TMEM178B: variants seen among roughly 807,000 people sequenced by gnomAD.
TMEM178B encodes the protein transmembrane protein 178B.
TMEM178B carries 5 observed loss-of-function variants against 31.0 expected under a neutral mutation model. That is an observed-to-expected ratio of 0.16 (90% CI 0.08 to 0.34). The LOEUF (loss-of-function observed/expected upper bound fraction) is 0.34, where lower values mean the gene tolerates loss of function less well. Ranked by LOEUF, TMEM178B falls within the 10% of genes least tolerant of loss-of-function variation. The pLI is 1.00. For synonymous variants in TMEM178B, 164 were observed against 164.0 expected, an observed-to-expected ratio of 1.00 and a Z score of 0.00; for missense variants, 275 against 400.3, an observed-to-expected ratio of 0.69 and a Z score of 2.67.
At chr7:141,116,858 A>G (rs915579607) in intron 1 of TMEM178B, among the ~76,000 whole-genome samples, 1 of 152,072 alleles carries the variant, frequency 6.6e-6, no homozygotes, top group African/African-American at 2.4e-5. Flanking sequence ...ATGCTTTTTT[A>G]TGGCTGCATA....
intron 2 of TMEM178B, among the ~76,000 whole-genome samples, chr7:141,401,619 G>A (rs896569358): frequency 2.0e-5 from 3 of 151,822 alleles, no homozygotes; most frequent in Admixed American, 6.6e-5. Flanking sequence ...ATGGAGTTAC[G>A]GTATGTTGCC....
chr7:141,114,377 C>T (rs1290074001), intron 1 of TMEM178B, among the ~76,000 whole-genome samples: 1 of 152,120 alleles, frequency 6.6e-6, no homozygotes, highest in African/African-American at 2.4e-5. Flanking sequence ...CCTTCAGCTG[C>T]ACTGTATCTC....
At chr7:141,216,427 G>GTA (rs776007395) in intron 2 of TMEM178B, among the ~76,000 whole-genome samples, 2 of 73,176 alleles carry the variant, frequency 2.7e-5, no homozygotes, top group African/African-American at 8.5e-5. Flanking sequence ...TGAAGCCTGT[G>GTA]TGTGTGTGTG....
At chr7:141,446,133 G>C in intron 3 of TMEM178B, among the ~76,000 whole-genome samples, 1 of 152,192 alleles carries the variant, frequency 6.6e-6, no homozygotes, top group East Asian at 1.9e-4. Flanking sequence ...ACCTCACGTA[G>C]AATGAGTGGC....
chr7:141,436,567 G>A (rs2116679629), intron 2 of TMEM178B, among the ~76,000 whole-genome samples: 1 of 152,220 alleles, frequency 6.6e-6, no homozygotes, highest in East Asian at 1.9e-4. Context: ...GGTGGCATGA[G>A]CAGAGGGTCA....
At chr7:141,351,379 G>T (rs569304485) in intron 2 of TMEM178B, among the ~76,000 whole-genome samples, 60 of 152,400 alleles carry the variant, frequency 3.9e-4, no homozygotes, top group East Asian at 3.9e-4. Flanking sequence ...GCCTTAGCCG[G>T]AACGGCTGGT....
chr7:141,456,712 TA>T (rs1801970458), intron 3 of TMEM178B, among the ~76,000 whole-genome samples: 1 of 152,202 alleles, frequency 6.6e-6, no homozygotes, highest in Non-Finnish European at 1.5e-5. Flanking sequence ...CCCTCTGCCC[TA>T]CAGATTCTCC....
the TMEM178B span, among the ~76,000 whole-genome samples, chr7:141,508,619 A>G: frequency 1.3e-5 from 2 of 152,222 alleles, no homozygotes; most frequent in East Asian, 3.8e-4. Context: ...ACAGTTCCAC[A>G]TGGCTGGGGA....
chr7:141,143,763 G>T (rs1289325739), intron 1 of TMEM178B, among the ~76,000 whole-genome samples: 1 of 152,062 alleles, frequency 6.6e-6, no homozygotes, highest in African/African-American at 2.4e-5. Flanking sequence ...AATGACTTTG[G>T]TATCTTGATA....
At chr7:141,214,102 A>C in intron 2 of TMEM178B, among the ~76,000 whole-genome samples, 1 of 152,234 alleles carries the variant, frequency 6.6e-6, no homozygotes, top group East Asian at 1.9e-4. Flanking sequence ...CAAGGTAGAC[A>C]TGTGAGGACT....
rs925511918 is a variant in TMEM178B, at chr7:141,184,751, C to T, written c.383-27840C>T. Among the ~76,000 whole-genome samples the T allele has an allele frequency of 3.3e-5, 5 of 152,224 alleles. No homozygotes were observed. In the East Asian group the frequency reaches 7.7e-4, roughly 23 times the overall value. ...CCCCCTGCATTTGGAATCCCCCTCT[C>T]CTCACTATGATCTATTGTCCTTGGA... On this transcript the variant is annotated intron_variant, in intron 1 of 3. Transcript: ENST00000565468.
At chr7:141,262,427 C>G (rs919003091) in intron 2 of TMEM178B, among the ~76,000 whole-genome samples, 1 of 149,218 alleles carries the variant, frequency 6.7e-6, no homozygotes, top group African/African-American at 2.5e-5. Flanking sequence ...ACAGCTTTTT[C>G]TTAAAGAGGT....
intron 1 of TMEM178B, among the ~76,000 whole-genome samples, chr7:141,188,561 T>C (rs556367315): frequency 6.6e-6 from 1 of 152,358 alleles, no homozygotes; most frequent in South Asian, 2.1e-4. Context: ...CAGATCTAGC[T>C]TCCTGACTTC....
rs1303368657 is a variant in TMEM178B, at chr7:141,474,190, T to C, written c.*3404T>C. The C allele has an allele frequency of 1.3e-5, 2 of 152,204 alleles. No homozygotes were observed. The highest frequency in any genetic ancestry group is 2.4e-5 in the African/African-American group (1 of 41,460). The allele number at this position is 152,204 out of a possible 1,614,324, so 9.4% of individuals were successfully genotyped here. A position where few individuals can be genotyped will look rare whatever the true frequency, so the allele number is the denominator to read the frequency against. On this transcript the variant is annotated 3_prime_UTR_variant, in exon 4 of 4. Transcript: ENST00000565468. ...TTATTTCCTTCCCTACTCTACTACC[T>C]TGAGATTCAGGAAAGTGAGGTATTC...
At chr7:141,287,616 T>C (rs1013459290) in intron 2 of TMEM178B, among the ~76,000 whole-genome samples, 1 of 152,240 alleles carries the variant, frequency 6.6e-6, no homozygotes, top group African/African-American at 2.4e-5. Context: ...CTTGGGCTTT[T>C]GAGGATGTGC....
intron 1 of TMEM178B, among the ~76,000 whole-genome samples, chr7:141,161,015 G>A (rs1184688231): frequency 1.3e-5 from 2 of 152,020 alleles, no homozygotes; most frequent in African/African-American, 2.4e-5. Context: ...GCACCACCAT[G>A]CCTGGCTAAT....
chr7:141,454,225 G>A (rs972289773), intron 3 of TMEM178B, among the ~76,000 whole-genome samples: 1 of 152,138 alleles, frequency 6.6e-6, no homozygotes, highest in African/African-American at 2.4e-5. Flanking sequence ...CCCTGAGTTA[G>A]CATGGCTAAG....
intron 2 of TMEM178B, among the ~76,000 whole-genome samples, chr7:141,306,612 T>C (rs548188496): frequency 6.6e-6 from 1 of 150,614 alleles, no homozygotes; most frequent in Non-Finnish European, 1.5e-5. Context: ...TCCATGGTTC[T>C]GAGAGTCTGT....
intron 3 of TMEM178B, among the ~76,000 whole-genome samples, chr7:141,462,739 G>A (rs1802080779): frequency 6.6e-6 from 1 of 152,132 alleles, no homozygotes. Context: ...CTGGGACAAG[G>A]AGTGGGCAAT....
Sources: gnomAD v4.1 joint callset for allele counts (sites outside exome capture counted in the v4.1 genomes callset) on GRCh38, gnomAD v4.1.1 for gene constraint, MANE v1.5 for transcripts, NCBI Gene and HGNC (gene_info 2026-07-23, HGNC 2026-07-21) for gene names.